The following ATF1 variants were observed in gnomAD, a reference collection of about 807,000 sequenced individuals.
The protein encoded by ATF1 is cyclic AMP-dependent transcription factor ATF-1.
In ATF1, 16 loss-of-function variants were observed where a neutral mutation model predicts 34.7. The observed-to-expected ratio is 0.46, with a 90% CI of 0.31 to 0.70. The LOEUF (loss-of-function observed/expected upper bound fraction) is 0.70, where lower values mean the gene tolerates loss of function less well. Ranked by LOEUF, ATF1 falls within the 30% of genes least tolerant of loss-of-function variation. The pLI, the probability that ATF1 is intolerant of heterozygous loss-of-function variation, is 0.05. For synonymous variants in ATF1, 105 were observed against 113.1 expected, an observed-to-expected ratio of 0.93 and a Z score of 0.46; for missense variants, 255 against 321.6, an observed-to-expected ratio of 0.79 and a Z score of 1.58.
chr12:50,809,650 GA>G, intron 4 of ATF1, 61 bp downstream of exon 4: 2 of 1,496,760 alleles, frequency 1.3e-6, no homozygotes, highest in South Asian at 2.5e-5. Flanking sequence ...TCTGTAGAAA[GA>G]AATGGTGTTA....
At chr12:50,785,339 A>G (rs1261981372) in intron 2 of ATF1, among the ~76,000 whole-genome samples, 1 of 127,736 alleles carries the variant, frequency 7.8e-6, no homozygotes, top group Non-Finnish European at 1.7e-5. Flanking sequence ...ACACACACAC[A>G]GACGTATATA....
chr12:50,769,314 G>A (rs1940715148), intron 1 of ATF1, among the ~76,000 whole-genome samples: 1 of 152,096 alleles, frequency 6.6e-6, no homozygotes, highest in Non-Finnish European at 1.5e-5. Context: ...AGACCAGTCT[G>A]GCCAACATGG....
intron 1 of ATF1, among the ~76,000 whole-genome samples, chr12:50,765,382 T>C (rs927108707): frequency 6.6e-6 from 1 of 152,244 alleles, no homozygotes; most frequent in Admixed American, 6.5e-5. Context: ...AGCTCTTTAA[T>C]ACTTGCCGTT....
intron 2 of ATF1, among the ~76,000 whole-genome samples, chr12:50,786,672 C>T (rs1941191739): frequency 6.6e-6 from 1 of 152,074 alleles, no homozygotes; most frequent in Admixed American, 6.6e-5. Context: ...AAAAGAAAAC[C>T]CACAAACCCT....
chr12:50,780,092 A>C (rs1941021731), intron 1 of ATF1, 48 bp from the exon 2 acceptor site: 2 of 1,405,818 alleles, frequency 1.4e-6, no homozygotes, highest in African/African-American at 1.4e-5. Context: ...TATACTGTAA[A>C]CATTCTGTAT....
intron 4 of ATF1, among the ~76,000 whole-genome samples, chr12:50,810,711 T>C (rs1941719513): frequency 6.6e-6 from 1 of 152,144 alleles, no homozygotes; most frequent in African/African-American, 2.4e-5. Flanking sequence ...CTCCTAACAT[T>C]AATCTGTTTC....
At chr12:50,801,024 C>G (rs1941501449) in intron 3 of ATF1, among the ~76,000 whole-genome samples, 1 of 152,116 alleles carries the variant, frequency 6.6e-6, no homozygotes, top group Admixed American at 6.6e-5. Flanking sequence ...TCACTTGAAC[C>G]TGGGAGGTTG....
intron 2 of ATF1, among the ~76,000 whole-genome samples, chr12:50,788,036 G>T (rs1254639086): frequency 6.6e-6 from 1 of 152,208 alleles, no homozygotes; most frequent in East Asian, 1.9e-4. Flanking sequence ...TTGGAGTTTG[G>T]GGACATTGAA....
chr12:50,774,153 T>C (rs935974130), intron 1 of ATF1, among the ~76,000 whole-genome samples: 12 of 152,148 alleles, frequency 7.9e-5, no homozygotes, highest in Admixed American at 5.2e-4. Context: ...TGCCTCAGCC[T>C]CCCGAGTAGC....
Position 50,796,700 on chromosome 12 carries a change from C to CA in ATF1, c.194+706dup, listed in dbSNP as rs879787960. 6.0e-3 allele frequency among the ~76,000 whole-genome samples: 717 copies of CA among 118,990 alleles called. 1 individual carries two copies. The highest frequency in any genetic ancestry group is 0.014 in the African/African-American group (431 of 31,864). 78.1% of individuals were successfully genotyped at this position (118,990 alleles called of 152,430 possible). A position where few individuals can be genotyped will look rare whatever the true frequency, so the allele number is the denominator to read the frequency against. On this transcript the variant is annotated intron_variant, in intron 3 of 6. Coordinates refer to ENST00000262053, the MANE Select transcript of ATF1 (RefSeq NM_005171.5). ...TGGGCAACAGAGCAAGACTCTGTCT[C>CA]AAAAAAAAAAAAAAATGTAAATTTA... is the stretch of plus-strand genomic sequence containing the variant.
chr12:50,770,656 T>C (rs778934832), intron 1 of ATF1, among the ~76,000 whole-genome samples: 12 of 152,242 alleles, frequency 7.9e-5, no homozygotes, highest in Non-Finnish European at 1.5e-4. Flanking sequence ...AGTCTTACCA[T>C]AATTTGTCTT....
chr12:50,768,449 C>G (rs1940692212), intron 1 of ATF1, among the ~76,000 whole-genome samples: 1 of 152,206 alleles, frequency 6.6e-6, no homozygotes, highest in Non-Finnish European at 1.5e-5. Flanking sequence ...CTCTAACAGC[C>G]TGGACTCCTT....
upstream of ATF1, among the ~76,000 whole-genome samples, chr12:50,763,908 G>A (rs1940554222): frequency 6.6e-6 from 1 of 152,190 alleles, no homozygotes; most frequent in African/African-American, 2.4e-5. Flanking sequence ...CGCGTTCCGA[G>A]GAACCCCTAG....
chr12:50,807,339 C>T (rs1025158436), intron 3 of ATF1, among the ~76,000 whole-genome samples: 4 of 151,634 alleles, frequency 2.6e-5, no homozygotes, highest in Admixed American at 6.6e-5. Flanking sequence ...TGAGAAGTCA[C>T]GGTGGGGTGA....
chr12:50,794,359 G>A (rs1366956601), intron 2 of ATF1, among the ~76,000 whole-genome samples: 2 of 151,756 alleles, frequency 1.3e-5, no homozygotes, highest in African/African-American at 4.8e-5. Flanking sequence ...GAGGTCAGGA[G>A]TTTGAGACCA....
Position 50,820,382 on chromosome 12 carries a change from TA to T in ATF1, c.*607del. 1 of 187,944 alleles carries T rather than the reference TA, an allele frequency of 5.3e-6. No individual in the cohort carries two copies. Among genetic ancestry groups the T allele is most frequent in the Non-Finnish European group, 1.1e-5 (1 of 88,966 alleles). The allele number at this position is 187,944 out of a possible 1,614,324, so 11.6% of individuals were successfully genotyped here. Reference sequence around the variant, plus strand: ...GTTAATTATTTTTGAGGTCTTATCCTAAAAGGCATCTAAGGTACATGAATGG... The same window carrying T: ...GTTAATTATTTTTGAGGTCTTATCCTAAAGGCATCTAAGGTACATGAATGG... On this transcript the variant is annotated 3_prime_UTR_variant, in exon 7 of 7. Transcript: ENST00000262053.
chr12:50,768,315 G>A (rs907769962), intron 1 of ATF1, among the ~76,000 whole-genome samples: 2 of 152,122 alleles, frequency 1.3e-5, no homozygotes, highest in Non-Finnish European at 2.9e-5. Flanking sequence ...TAAGCACCTG[G>A]GAGGTTACCT....
intron 2 of ATF1, among the ~76,000 whole-genome samples, chr12:50,793,581 C>T (rs1015313843): frequency 1.4e-5 from 2 of 146,844 alleles, no homozygotes; most frequent in African/African-American, 5.1e-5. Context: ...TGCAGTGAGC[C>T]AAGATTGTGC....
At chr12:50,808,743 AT>A (rs34559730) in intron 3 of ATF1, among the ~76,000 whole-genome samples, 35,561 of 139,980 alleles carry the variant, frequency 0.25, 4,662 homozygotes, top group East Asian at 0.42. Flanking sequence ...GATTATTGTA[AT>A]TTTTTTTTTT....
Sources: gnomAD v4.1 joint callset for allele counts (sites outside exome capture counted in the v4.1 genomes callset) on GRCh38, gnomAD v4.1.1 for gene constraint, MANE v1.5 for transcripts, NCBI Gene and HGNC (gene_info 2026-07-23, HGNC 2026-07-21) for gene names.